Variants in CPVL observed in about 807,000 individuals in gnomAD.
The protein encoded by CPVL is carboxypeptidase vitellogenic like.
CPVL carries 51 observed loss-of-function variants against 63.7 expected under a neutral mutation model. The observed-to-expected ratio is 0.80, with a 90% CI of 0.64 to 1.01. The LOEUF is 1.01. CPVL is among the 50% of genes least tolerant of loss of function. CPVL has a pLI of 0.00. For missense variants in CPVL, 530 were observed against 573.1 expected, an observed-to-expected ratio of 0.92 and a Z score of 0.77; for synonymous variants, 195 against 206.0, an observed-to-expected ratio of 0.95 and a Z score of 0.46.
chr7:29,142,637 C>T (rs1381518882), intron 1 of CPVL, among the ~76,000 whole-genome samples: 2 of 151,004 alleles, frequency 1.3e-5, no homozygotes, highest in Admixed American at 6.6e-5. Flanking sequence ...GCGATTCTCC[C>T]GCCTCAGCCT....
intron 11 of CPVL, among the ~76,000 whole-genome samples, chr7:29,051,345 C>T (rs1054803068): frequency 4.6e-5 from 7 of 152,186 alleles, no homozygotes; most frequent in African/African-American, 1.7e-4. Flanking sequence ...TCTTCACAAT[C>T]TATACATCTG....
chr7:29,072,395 A>G lies in CPVL; in HGVS notation c.638T>C (p.Ile213Thr), dbSNP rs1365780131. The G allele has an allele frequency of 1.2e-6, 2 of 1,614,104 alleles. No homozygotes were observed. The highest frequency in any genetic ancestry group is 2.2e-5 in the South Asian group (2 of 91,060). Residue 213 changes from isoleucine to threonine, a missense_variant, in exon 8 of 13, where the codon ATT (isoleucine) becomes ACT (threonine). Ile to Thr is a moderately conservative substitution (Grantham distance 89). Coordinates refer to ENST00000265394, the MANE Select transcript of CPVL (RefSeq NM_031311.5). Reference protein sequence around the residue: ...ESYAGKYVPAIAHLIHSLNPV... With the variant: ...ESYAGKYVPATAHLIHSLNPV... ...GTTGAGGGAATGGATGAGGTGTGCA[A>G]TGGCTGGCACATATTTCCCTGCATA...
At chr7:28,999,528 A>AC (rs1352359575) in intron 12 of CPVL, among the ~76,000 whole-genome samples, 1 of 152,050 alleles carries the variant, frequency 6.6e-6, no homozygotes, top group African/African-American at 2.4e-5. Context: ...CCTACTCATG[A>AC]CCTCACTTCC....
At chr7:29,166,322 G>A (rs997460167) in intron 5 of CPVL, among the ~76,000 whole-genome samples, 5 of 152,110 alleles carry the variant, frequency 3.3e-5, no homozygotes, top group Admixed American at 6.5e-5. Context: ...GAGCCACTGC[G>A]CCCAACATGG....
At chr7:29,085,072 C>G (rs75514939) in intron 7 of CPVL, among the ~76,000 whole-genome samples, 7,898 of 152,274 alleles carry the variant, frequency 0.052, 211 homozygotes, top group East Asian at 0.062. Flanking sequence ...ATTTTGTTTC[C>G]TAGCTCTGCC....
intron 11 of CPVL, among the ~76,000 whole-genome samples, chr7:29,053,164 A>G (rs1272734888): frequency 6.6e-6 from 1 of 152,214 alleles, no homozygotes; most frequent in Non-Finnish European, 1.5e-5. Flanking sequence ...ACAAGTGCTG[A>G]CAAGGATGTG....
In CPVL at chr7:29,036,762, A is replaced by T. The variant is rs141555527; in HGVS notation, c.1138-6003T>A. On this transcript the variant is annotated intron_variant, in intron 11 of 12. Coordinates refer to ENST00000265394, the MANE Select transcript of CPVL (RefSeq NM_031311.5). ...AGTGTGGTAAAGACTATGGCTTTTA[A>T]AAGGAAGTTTTTGAGTAATAATAAG... is the stretch of plus-strand genomic sequence containing the variant. Among the ~76,000 whole-genome samples, 122 of 152,334 alleles carry T rather than the reference A, an allele frequency of 8.0e-4. 1 individual carries two copies. The highest frequency in any genetic ancestry group is 2.8e-3 in the African/African-American group (116 of 41,570).
At chr7:29,085,513 T>C (rs1467203849) in intron 7 of CPVL, among the ~76,000 whole-genome samples, 1 of 152,168 alleles carries the variant, frequency 6.6e-6, no homozygotes, top group East Asian at 1.9e-4. Context: ...GAAAGATACA[T>C]TAGAAAAATC....
chr7:29,112,739 T>A lies in CPVL; in HGVS notation c.253A>T (p.Asn85Tyr), dbSNP rs1427221438. ...AGFLTVNKTY[N>Y]SNLFFWFFPA... ...AAGAACCAGAAGAAGAGGTTGCTGT[T>A]GTAAGTCTTATTCACGGTGAGGAAG... Residue 85 changes from asparagine to tyrosine, a missense_variant, in exon 3 of 13, where the codon AAC (asparagine) becomes TAC (tyrosine). Physicochemically the swap from Asn to Tyr is moderately radical, Grantham distance 143 (BLOSUM62 -2). Transcript: ENST00000265394. 1 of 1,613,642 alleles carries A rather than the reference T, an allele frequency of 6.2e-7. No homozygotes were observed. The highest frequency in any genetic ancestry group is 8.5e-7 in the Non-Finnish European group (1 of 1,179,800).
chr7:29,194,905 G>A (rs758717535), intron 1 of CPVL: 2 of 1,510,632 alleles, frequency 1.3e-6, no homozygotes, highest in Admixed American at 4.2e-5. Flanking sequence ...CGTCCGCACC[G>A]GGGCTGAGCG....
intron 11 of CPVL, among the ~76,000 whole-genome samples, chr7:29,043,190 C>T (rs1227606080): frequency 2.0e-5 from 3 of 151,690 alleles, no homozygotes; most frequent in African/African-American, 7.3e-5. Context: ...AGGTTGATCT[C>T]CTCATAAAAG....
At chr7:29,118,740 ATAGAG>A (rs1789036828) in intron 2 of CPVL, among the ~76,000 whole-genome samples, 2 of 152,332 alleles carry the variant, frequency 1.3e-5, no homozygotes, top group Admixed American at 6.5e-5. Context: ...AAACTTCTTT[ATAGAG>A]TATTTAGATT....
chr7:29,069,210 C>T (rs968136054), intron 9 of CPVL, among the ~76,000 whole-genome samples: 28 of 151,278 alleles, frequency 1.9e-4, no homozygotes, highest in Admixed American at 1.3e-3. Context: ...AAGGCCGAGG[C>T]GGGCGGATCA....
chr7:29,155,556 C>T (rs1794246832), intron 5 of CPVL, among the ~76,000 whole-genome samples: 1 of 152,278 alleles, frequency 6.6e-6, no homozygotes, highest in Admixed American at 6.5e-5. Context: ...AGTGTCAGAA[C>T]TGGAATTCAA....
chr7:29,178,546 G>A (rs1797659768), intron 5 of CPVL, among the ~76,000 whole-genome samples: 1 of 152,184 alleles, frequency 6.6e-6, no homozygotes, highest in Admixed American at 6.5e-5. Flanking sequence ...GAGAGACGTT[G>A]CCTGACATGC....
chr7:29,193,451 T>G (rs1470973221), intron 1 of CPVL: 2 of 152,234 alleles, frequency 1.3e-5, no homozygotes, highest in African/African-American at 4.8e-5. Context: ...AAAGTTGAAC[T>G]ACCCCAATGT....
In CPVL at chr7:29,096,173, C is replaced by A; in HGVS notation, c.333G>T (p.Gly111=). The change falls in exon 4 of 13, where the codon GGG becomes GGT. Residue 111 remains glycine (G), a synonymous_variant. Transcript: ENST00000265394. ...DAPVVLWLQG[G]PGGSSMFGLF... The stretch of plus-strand genomic sequence containing the variant: ...GTCCAAACATGGATGAACCTCCCGG[C>A]CCACCCTGTAGCCAGAGAACTACTG... The A allele has an allele frequency of 6.2e-7, 1 of 1,614,162 alleles. No homozygotes were observed. The highest frequency in any genetic ancestry group is 8.5e-7 in the Non-Finnish European group (1 of 1,180,032).
At chr7:29,065,766 C>G (rs936061553) in intron 10 of CPVL, among the ~76,000 whole-genome samples, 8 of 152,092 alleles carry the variant, frequency 5.3e-5, no homozygotes, top group Admixed American at 2.0e-4. Flanking sequence ...CTATAACAAG[C>G]TCTACTTGGG....
At chr7:29,065,682 G>A (rs571302866) in intron 10 of CPVL, among the ~76,000 whole-genome samples, 2 of 152,240 alleles carry the variant, frequency 1.3e-5, no homozygotes, top group South Asian at 2.1e-4. Context: ...CAAGAGACTC[G>A]TAAACAGACT....
Sources: gnomAD v4.1 joint callset for allele counts (sites outside exome capture counted in the v4.1 genomes callset) on GRCh38, gnomAD v4.1.1 for gene constraint, MANE v1.5 for transcripts, NCBI Gene and HGNC (gene_info 2026-07-23, HGNC 2026-07-21) for gene names.